SKAP1: variants seen among roughly 807,000 people sequenced by gnomAD.
SKAP1 encodes the protein src kinase-associated phosphoprotein 1.
In SKAP1, 44 loss-of-function variants were observed where a neutral mutation model predicts 58.5. That is an observed-to-expected ratio of 0.75 (90% confidence interval 0.59 to 0.97). The LOEUF is 0.97. SKAP1 is among the 50% of genes least tolerant of loss of function. The pLI is 0.00. For missense variants in SKAP1, 390 were observed against 435.2 expected, an observed-to-expected ratio of 0.90 and a Z score of 0.92; for synonymous variants, 127 against 149.7, an observed-to-expected ratio of 0.85 and a Z score of 1.11.
chr17:48,362,460 C>T (rs549378836), intron 3 of SKAP1, among the ~76,000 whole-genome samples: 1 of 152,340 alleles, frequency 6.6e-6, no homozygotes, highest in South Asian at 2.1e-4. Flanking sequence ...TGGTTAACAT[C>T]TGTTAAACCC....
chr17:48,415,135 T>G lies in SKAP1; in HGVS notation c.46+14940A>C, dbSNP rs542347999. Among the ~76,000 whole-genome samples the G allele has an allele frequency of 4.6e-5, 7 of 152,296 alleles. No homozygotes were observed. In the East Asian group the frequency reaches 1.3e-3, roughly 29 times the overall value. On this transcript the variant is annotated intron_variant, in intron 1 of 12. Coordinates refer to ENST00000336915, the MANE Select transcript of SKAP1 (RefSeq NM_003726.4). ...GGAGGCAGGATGAATGGCCAAATGC[T>G]GTTGAAAACAACTCCACCGACCAAA...
intron 4 of SKAP1, among the ~76,000 whole-genome samples, chr17:48,245,976 AAACAACAAC>A (rs200630777): frequency 6.6e-6 from 1 of 152,118 alleles, no homozygotes; most frequent in East Asian, 1.9e-4. Flanking sequence ...CTCCGTCTCA[AAACAACAAC>A]AACAACAATA....
chr17:48,341,999 T>TA (rs1210077199), intron 4 of SKAP1, among the ~76,000 whole-genome samples: 1 of 152,214 alleles, frequency 6.6e-6, no homozygotes, highest in Non-Finnish European at 1.5e-5. Flanking sequence ...CAATCCACTT[T>TA]AAAAAATAAT....
At chr17:48,222,890 C>A (rs1431596754) in intron 4 of SKAP1, among the ~76,000 whole-genome samples, 2 of 150,022 alleles carry the variant, frequency 1.3e-5, no homozygotes, top group Non-Finnish European at 3.0e-5. Flanking sequence ...ATGGTGAAAC[C>A]CCATCTCTAC....
chr17:48,306,990 C>G (rs1302157117), intron 4 of SKAP1, among the ~76,000 whole-genome samples: 1 of 152,110 alleles, frequency 6.6e-6, no homozygotes, highest in Non-Finnish European at 1.5e-5. Flanking sequence ...TTTTAATCCA[C>G]CCACGAAGGA....
At chr17:48,391,784 C>CT (rs35958466) in intron 2 of SKAP1, among the ~76,000 whole-genome samples, 16,716 of 130,782 alleles carry the variant, frequency 0.13, 1,115 homozygotes, top group Middle Eastern at 0.14. Context: ...CTACCTCTTC[C>CT]TTTTTTTTTT....
At chr17:48,290,003 G>T (rs2065880558) in intron 4 of SKAP1, among the ~76,000 whole-genome samples, 1 of 152,066 alleles carries the variant, frequency 6.6e-6, no homozygotes, top group African/African-American at 2.4e-5. Context: ...ACCCTGAAGT[G>T]GGTGATGGAA....
intron 4 of SKAP1, among the ~76,000 whole-genome samples, chr17:48,231,315 G>A (rs1048550099): frequency 1.3e-5 from 2 of 152,112 alleles, no homozygotes; most frequent in Non-Finnish European, 2.9e-5. Flanking sequence ...GGGTCTCTCA[G>A]ACCAGTAATT....
At chr17:48,248,613 G>A (rs1466148227) in intron 4 of SKAP1, among the ~76,000 whole-genome samples, 1 of 152,048 alleles carries the variant, frequency 6.6e-6, no homozygotes, top group African/African-American at 2.4e-5. Context: ...TAGGGGATAA[G>A]AAATTTAAGA....
intron 11 of SKAP1, among the ~76,000 whole-genome samples, chr17:48,141,884 C>A (rs2063771815): frequency 6.6e-6 from 1 of 152,188 alleles, no homozygotes; most frequent in Admixed American, 6.5e-5. Flanking sequence ...ATGGGGCTTA[C>A]TCCTAAGCAG....
chr17:48,360,598 CTT>C (rs1404533279), intron 3 of SKAP1, among the ~76,000 whole-genome samples: 11 of 152,142 alleles, frequency 7.2e-5, no homozygotes, highest in African/African-American at 2.6e-4. Flanking sequence ...AATATTATGT[CTT>C]ATTGTCAAGT....
chr17:48,386,523 C>G (rs912875612), intron 2 of SKAP1, among the ~76,000 whole-genome samples: 1 of 152,130 alleles, frequency 6.6e-6, no homozygotes, highest in Admixed American at 6.5e-5. Flanking sequence ...TTCAATGGAG[C>G]CTGAGAGTCT....
intron 7 of SKAP1, 99 bp from the exon 8 acceptor site, chr17:48,182,556 C>T: frequency 2.5e-6 from 2 of 804,716 alleles, no homozygotes; most frequent in Admixed American, 2.4e-5. Context: ...GTTTCAGAGT[C>T]AAGTTTAAAG....
chr17:48,220,768 G>A (rs754842833), intron 4 of SKAP1, among the ~76,000 whole-genome samples: 7 of 140,610 alleles, frequency 5.0e-5, no homozygotes, highest in Non-Finnish European at 7.5e-5. Context: ...CACAAGAATC[G>A]CTTGAACCCA....
At chr17:48,422,370 T>A (rs1356328921) in intron 1 of SKAP1, among the ~76,000 whole-genome samples, 1 of 151,996 alleles carries the variant, frequency 6.6e-6, no homozygotes, top group Non-Finnish European at 1.5e-5. Context: ...TGAAAAAAAA[T>A]TTAATTTTAT....
intron 4 of SKAP1, among the ~76,000 whole-genome samples, chr17:48,242,036 C>A (rs541763172): frequency 6.6e-6 from 1 of 152,166 alleles, no homozygotes; most frequent in Admixed American, 6.6e-5. Flanking sequence ...GCATTTCCTG[C>A]TTGAAGGAGA....
intron 4 of SKAP1, among the ~76,000 whole-genome samples, chr17:48,325,727 A>G (rs568223712): frequency 6.6e-6 from 1 of 152,346 alleles, no homozygotes; most frequent in Admixed American, 6.5e-5. Context: ...TCTAGATATA[A>G]TGTGCTGTAC....
chr17:48,141,122 C>G (rs774095409), intron 11 of SKAP1, among the ~76,000 whole-genome samples: 5 of 152,018 alleles, frequency 3.3e-5, no homozygotes, highest in Admixed American at 3.3e-4. Flanking sequence ...TGAGTCCTGT[C>G]GATTCTCCCT....
At chr17:48,185,324 C>T (rs531535755) in intron 6 of SKAP1, 1 of 153,074 alleles carries the variant, frequency 6.5e-6, no homozygotes, top group East Asian at 1.9e-4. Context: ...AACTTCTCTT[C>T]CCCTTCCCTG....
Sources: gnomAD v4.1 joint callset for allele counts (sites outside exome capture counted in the v4.1 genomes callset) on GRCh38, gnomAD v4.1.1 for gene constraint, MANE v1.5 for transcripts, NCBI Gene and HGNC (gene_info 2026-07-23, HGNC 2026-07-21) for gene names.